Variants in CADM1 observed in about 807,000 individuals in gnomAD.
CADM1 encodes the protein TSLC-1.
In CADM1, 15 loss-of-function variants were observed where a neutral mutation model predicts 53.1. The ratio of observed to expected loss-of-function variants is 0.28; its 90% CI spans 0.19 to 0.44. CADM1 has a LOEUF of 0.44. CADM1 is among the 20% of genes least tolerant of loss of function. The pLI is 1.00. For missense variants in CADM1, 434 were observed against 611.3 expected (o/e 0.71, Z 3.06); for synonymous variants, 281 against 243.0 (o/e 1.16, Z -1.45).
chr11:115,356,264 TATATA>T (rs1467300280), intron 1 of CADM1, among the ~76,000 whole-genome samples: 5 of 148,580 alleles, frequency 3.4e-5, no homozygotes, highest in East Asian at 1.9e-4. Context: ...TAATACATAT[TATATA>T]ATATAATGAG....
intron 1 of CADM1, among the ~76,000 whole-genome samples, chr11:115,310,422 G>A (rs1374700355): frequency 2.6e-5 from 4 of 152,050 alleles, no homozygotes; most frequent in African/African-American, 4.8e-5. Flanking sequence ...TGCTACTTGA[G>A]CCTACTTGTA....
intron 10 of CADM1, among the ~76,000 whole-genome samples, chr11:115,182,855 C>T (rs1292907073): frequency 1.3e-5 from 2 of 152,186 alleles, no homozygotes; most frequent in Admixed American, 6.5e-5. Flanking sequence ...GTTTAGTATT[C>T]GTGAGTTAGC....
Position 115,174,018 on chromosome 11 carries a change from C to A in CADM1, c.*2456G>T, listed in dbSNP as rs1938899934. 1 of 966,250 alleles carries A rather than the reference C, an allele frequency of 1.0e-6. No homozygotes were observed. The highest frequency in any genetic ancestry group is 1.8e-5 in the African/African-American group (1 of 56,926). 59.9% of individuals were successfully genotyped at this position (966,250 alleles called of 1,614,324 possible). A position where few individuals can be genotyped will look rare whatever the true frequency, so the allele number is the denominator to read the frequency against. ...TATACTTAAGAAAAAATACATAAAC[C>A]AATATACAACTAAAATCCATAATTT... is the stretch of plus-strand genomic sequence containing the variant. On this transcript the variant is annotated 3_prime_UTR_variant, in exon 12 of 12. Coordinates refer to ENST00000331581, the MANE Select transcript of CADM1 (RefSeq NM_001301043.2).
chr11:115,444,501 G>A lies in CADM1; in HGVS notation c.124+59770C>T, dbSNP rs1420984990. 7.2e-5 allele frequency among the ~76,000 whole-genome samples: 11 copies of A among 152,154 alleles called. No homozygotes were observed. In the South Asian group the frequency reaches 1.7e-3, roughly 23 times the overall value. ...CACACTGACTAAAGTGGTTCCTTAC[G>A]TCTACCAAGCCAATCTTTTTCCGAA... On this transcript the variant is annotated intron_variant, in intron 1 of 11. Coordinates refer to ENST00000331581, the MANE Select transcript of CADM1 (RefSeq NM_001301043.2).
At chr11:115,362,820 T>C (rs1225236042) in intron 1 of CADM1, among the ~76,000 whole-genome samples, 6 of 152,200 alleles carry the variant, frequency 3.9e-5, no homozygotes, top group Non-Finnish European at 5.9e-5. Context: ...GAAGTACTCC[T>C]CACTAATTAA....
chr11:115,235,791 G>A (rs1222436373), intron 3 of CADM1, among the ~76,000 whole-genome samples: 3 of 152,106 alleles, frequency 2.0e-5, no homozygotes, highest in African/African-American at 2.4e-5. Context: ...ACAGGACTGT[G>A]ATAATATTAG....
At chr11:115,277,232 C>G (rs1943469469) in intron 1 of CADM1, among the ~76,000 whole-genome samples, 1 of 152,160 alleles carries the variant, frequency 6.6e-6, no homozygotes, top group Middle Eastern at 3.2e-3. Context: ...ACCCTGAAAG[C>G]TCACATCAAC....
rs1043300396 is a variant in CADM1 at position 115,174,313 on chromosome 11, A to G, written c.*2161T>C. 1 of 984,894 alleles carries G rather than the reference A, an allele frequency of 1.0e-6. No homozygotes were observed. The highest frequency in any genetic ancestry group is 1.2e-6 in the Non-Finnish European group (1 of 829,418). The allele number at this position is 984,894 out of a possible 1,614,324, so 61.0% of individuals were successfully genotyped here. A position where few individuals can be genotyped will look rare whatever the true frequency, so the allele number is the denominator to read the frequency against. Reference sequence around the variant, plus strand: ...TTTGTTTTTCTTTTTTTCTAAAAAGAACAACTGAAAAAAAACCTTTCAACA... The same window carrying G: ...TTTGTTTTTCTTTTTTTCTAAAAAGGACAACTGAAAAAAAACCTTTCAACA... On this transcript the variant is annotated 3_prime_UTR_variant, in exon 12 of 12. Transcript: ENST00000331581.
chr11:115,452,671 G>A (rs1948600422), intron 1 of CADM1, among the ~76,000 whole-genome samples: 1 of 152,090 alleles, frequency 6.6e-6, no homozygotes, highest in African/African-American at 2.4e-5. Flanking sequence ...AAACATAGAT[G>A]GAGAGATAAA....
At chr11:115,256,577 G>C (rs561456246) in intron 1 of CADM1, among the ~76,000 whole-genome samples, 10 of 152,276 alleles carry the variant, frequency 6.6e-5, no homozygotes, top group African/African-American at 2.4e-4. Context: ...AGAGTGAAAG[G>C]CTCAGTGTGG....
chr11:115,233,841 A>G (rs1214003386), intron 3 of CADM1, among the ~76,000 whole-genome samples: 1 of 152,214 alleles, frequency 6.6e-6, no homozygotes, highest in African/African-American at 2.4e-5. Flanking sequence ...TGGGATAGGA[A>G]CTTAGGAAGG....
At chr11:115,397,143 T>C (rs1169883781) in intron 1 of CADM1, 1 of 152,174 alleles carries the variant, frequency 6.6e-6, no homozygotes, top group African/African-American at 2.4e-5. Flanking sequence ...AGTGTGTTAT[T>C]GCTTTAAAAT....
In CADM1 at chr11:115,175,427, G is replaced by A. The variant is rs1938983011; in HGVS notation, c.*1047C>T. On this transcript the variant is annotated 3_prime_UTR_variant, in exon 12 of 12. Coordinates refer to ENST00000331581, the MANE Select transcript of CADM1 (RefSeq NM_001301043.2). ...CCATTCAGTCATTCGCACAACAGAC[G>A]AACTTGCTTTTTCCTACAAATTAGT... The A allele has an allele frequency of 9.1e-6, 9 of 984,794 alleles. No homozygotes were observed. The highest frequency in any genetic ancestry group is 1.1e-5 in the Non-Finnish European group (9 of 829,826). 61.0% of individuals were successfully genotyped at this position (984,794 alleles called of 1,614,324 possible). A position where few individuals can be genotyped will look rare whatever the true frequency, so the allele number is the denominator to read the frequency against.
chr11:115,469,225 A>G (rs1403313871), intron 1 of CADM1, among the ~76,000 whole-genome samples: 1 of 152,230 alleles, frequency 6.6e-6, no homozygotes, highest in Non-Finnish European at 1.5e-5. Flanking sequence ...TTTCATATAA[A>G]GCACTTCAGC....
chr11:115,219,665 G>A (rs1941330472), intron 5 of CADM1, among the ~76,000 whole-genome samples: 1 of 152,166 alleles, frequency 6.6e-6, no homozygotes, highest in Non-Finnish European at 1.5e-5. Flanking sequence ...AGAAATGCTT[G>A]TAAAGGATAA....
intron 1 of CADM1, among the ~76,000 whole-genome samples, chr11:115,459,010 C>T (rs994895807): frequency 5.3e-5 from 8 of 152,098 alleles, no homozygotes; most frequent in Admixed American, 2.0e-4. Flanking sequence ...AGAAACCTCT[C>T]GAGAGCCAAA....
intron 1 of CADM1, among the ~76,000 whole-genome samples, chr11:115,354,973 C>T (rs2135072435): frequency 6.6e-6 from 1 of 152,240 alleles, no homozygotes; most frequent in African/African-American, 2.4e-5. Flanking sequence ...AGAAATCCTG[C>T]CTGTAATCAT....
intron 3 of CADM1, among the ~76,000 whole-genome samples, chr11:115,233,479 C>T (rs1941898581): frequency 6.6e-6 from 1 of 152,148 alleles, no homozygotes; most frequent in Admixed American, 6.5e-5. Flanking sequence ...TTTCATCATA[C>T]ATACCTAGAT....
chr11:115,190,522 G>T, intron 10 of CADM1: 4 of 166,984 alleles, frequency 2.4e-5, no homozygotes, highest in Admixed American at 6.0e-5. Context: ...AAAAGATCTT[G>T]TCACATAATC....
Sources: gnomAD v4.1 joint callset for allele counts (sites outside exome capture counted in the v4.1 genomes callset) on GRCh38, gnomAD v4.1.1 for gene constraint, MANE v1.5 for transcripts, NCBI Gene and HGNC (gene_info 2026-07-23, HGNC 2026-07-21) for gene names.